The following TEX52 variants were observed in gnomAD, a reference collection of about 807,000 sequenced individuals.
The protein encoded by TEX52 is testis-expressed protein 52.
In TEX52, 22 loss-of-function variants were observed where a neutral mutation model predicts 17.6. The observed-to-expected ratio is 1.25, with a 90% CI of 0.89 to 1.78. The LOEUF (loss-of-function observed/expected upper bound fraction) is 1.78, where lower values mean the gene tolerates loss of function less well. Ranked by LOEUF, TEX52 falls within the 40% of genes most tolerant of loss-of-function variation. TEX52 has a pLI of 0.00. For missense variants in TEX52, 396 were observed against 372.3 expected (o/e 1.06, Z -0.52); for synonymous variants, 168 against 147.4 (o/e 1.14, Z -1.01).
intron 2 of TEX52, among the ~76,000 whole-genome samples, chr12:2,852,756 G>A (rs958413559): frequency 1.3e-5 from 2 of 152,092 alleles, no homozygotes; most frequent in African/African-American, 4.8e-5. Context: ...TGTAATCCCA[G>A]CACTTTGGGA....
At chr12:2,854,311 C>T (rs2098080551) in intron 2 of TEX52, among the ~76,000 whole-genome samples, 1 of 152,234 alleles carries the variant, frequency 6.6e-6, no homozygotes, top group Admixed American at 6.5e-5. Flanking sequence ...AGGCGTGAGC[C>T]ACCACGCCCT....
Position 2,849,280 on chromosome 12 carries a change from G to C in TEX52, c.869C>G (p.Ala290Gly), listed in dbSNP as rs779956661. 1 of 1,536,024 alleles carries C rather than the reference G, an allele frequency of 6.5e-7. No homozygotes were observed. Among genetic ancestry groups the C allele is most frequent in the Non-Finnish European group, 8.7e-7 (1 of 1,146,922 alleles). ...CCTCTTCCTTGCTGGGGATTTGCTTGCTTGTGCCTTGGAGAGATGGTGGAG... is the reference window on the plus strand; with the variant it reads ...CCTCTTCCTTGCTGGGGATTTGCTTCCTTGTGCCTTGGAGAGATGGTGGAG... ...LPLHHLSKAQASKSPARKRKR... is the reference protein window; with the variant it reads ...LPLHHLSKAQGSKSPARKRKR... The change falls in exon 3 of 3, where the codon GCA becomes GGA. Residue 290 changes from alanine to glycine, a missense_variant. Coordinates refer to ENST00000637658, the MANE Select transcript of TEX52 (RefSeq NM_001365174.2).
chr12:2,849,217 C>T lies in TEX52; in HGVS notation c.*14G>A. ...GGGCTCTGGGTATCACGATCGTCCCCTCTGGAAGCCCTTCTAGAAGTGTCC... is the reference window on the plus strand; with the variant it reads ...GGGCTCTGGGTATCACGATCGTCCCTTCTGGAAGCCCTTCTAGAAGTGTCC... On this transcript the variant is annotated 3_prime_UTR_variant, in exon 3 of 3. Coordinates refer to ENST00000637658, the MANE Select transcript of TEX52 (RefSeq NM_001365174.2). 1.3e-6 allele frequency: 2 copies of T among 1,530,666 alleles called. No individual in the cohort carries two copies. Among genetic ancestry groups the T allele is most frequent in the South Asian group, 1.2e-5 (1 of 83,064 alleles). 94.8% of individuals were successfully genotyped at this position (1,530,666 alleles called of 1,614,324 possible). A position where few individuals can be genotyped will look rare whatever the true frequency, so the allele number is the denominator to read the frequency against.
chr12:2,850,475 CA>C lies in TEX52; in HGVS notation c.624-951del, dbSNP rs1275655927. 2.7e-3 allele frequency among the ~76,000 whole-genome samples: 192 copies of C among 70,684 alleles called. 1 individual carries two copies. Among genetic ancestry groups the C allele is most frequent in the Middle Eastern group, 9.3e-3 (1 of 108 alleles). The allele number at this position is 70,684 out of a possible 152,430, so 46.4% of individuals were successfully genotyped here. A position where few individuals can be genotyped will look rare whatever the true frequency, so the allele number is the denominator to read the frequency against. On this transcript the variant is annotated intron_variant, in intron 2 of 2. Transcript: ENST00000637658. ...CCTGGGCAAGAGCAAGACTCTGTCT[CA>C]AAAAAAAAAAAAAAAAAAATGGGGC...
intron 2 of TEX52, among the ~76,000 whole-genome samples, chr12:2,851,032 T>C (rs2098069171): frequency 2.3e-5 from 3 of 129,860 alleles, no homozygotes; most frequent in Admixed American, 1.7e-4. Flanking sequence ...CCAGGCATGG[T>C]GGCACGTGCC....
intron 2 of TEX52, among the ~76,000 whole-genome samples, chr12:2,849,853 T>C (rs1284068465): frequency 2.0e-5 from 3 of 152,236 alleles, no homozygotes; most frequent in Non-Finnish European, 2.9e-5. Context: ...TTTCCACTAA[T>C]GCAGTGACAG....
intron 1 of TEX52, among the ~76,000 whole-genome samples, 176 bp downstream of exon 1, chr12:2,856,779 T>G (rs1355432673): frequency 6.6e-6 from 1 of 152,172 alleles, no homozygotes; most frequent in African/African-American, 2.4e-5. Flanking sequence ...GCCAGGCATC[T>G]CCTCTCTGTT....
In TEX52 at chr12:2,849,790, ATAT is replaced by A. The variant is rs569010093; in HGVS notation, c.624-268_624-266del. Among the ~76,000 whole-genome samples, 334 of 152,300 alleles carry A rather than the reference ATAT, an allele frequency of 2.2e-3. 2 individuals are homozygous for A. Among genetic ancestry groups the A allele is most frequent in the African/African-American group, 7.7e-3 (318 of 41,566 alleles). On this transcript the variant is annotated intron_variant, in intron 2 of 2. Transcript: ENST00000637658. ...CCATCCTTTTGACATACTGCATATAATATTATGATCCAGATCCCAATCCAGATT... is the reference window on the plus strand; with the variant it reads ...CCATCCTTTTGACATACTGCATATAATATGATCCAGATCCCAATCCAGATT...
In TEX52 at chr12:2,849,092, C is replaced by T. The variant is rs2098061709; in HGVS notation, c.*139G>A. 6 of 848,446 alleles carry T rather than the reference C, an allele frequency of 7.1e-6. No individual in the cohort carries two copies. In the Admixed American group the frequency reaches 1.5e-4, roughly 21 times the overall value. 52.6% of individuals were successfully genotyped at this position (848,446 alleles called of 1,614,324 possible). On this transcript the variant is annotated 3_prime_UTR_variant, in exon 3 of 3. Transcript: ENST00000637658. The stretch of plus-strand genomic sequence containing the variant: ...CCTGGGGTACAGAGGTGGCTTGAGG[C>T]TGGGAGGATGGTGGAGAGGCTGTTC...
In TEX52 at chr12:2,856,767, T is replaced by C. The variant is rs553483098; in HGVS notation, c.72+188A>G. Among the ~76,000 whole-genome samples the C allele has an allele frequency of 2.6e-5, 4 of 152,304 alleles. No homozygotes were observed. The South Asian group carries it at 8.3e-4, about 32-fold the overall frequency. On this transcript the variant is annotated intron_variant, in intron 1 of 2. Transcript: ENST00000637658. ...TGGGTGGGGCTGGGAGATGTGGCAC[T>C]AGCCAGGCATCTCCTCTCTGTTCTG...
chr12:2,848,511 A>G (rs1337010999), downstream of TEX52, among the ~76,000 whole-genome samples: 20 of 152,138 alleles, frequency 1.3e-4, no homozygotes, highest in Admixed American at 1.3e-3. Flanking sequence ...GGTATCCCCA[A>G]CAGGGTGTGG....
Position 2,849,446 on chromosome 12 carries a change from C to A in TEX52, c.703G>T (p.Ala235Ser), listed in dbSNP as rs923186690. ...GGGTTTGGGCAGGGCCAGCTCCTGGCGAAATTATTGGGAAACGGGTTGGGC... is the reference window on the plus strand; with the variant it reads ...GGGTTTGGGCAGGGCCAGCTCCTGGAGAAATTATTGGGAAACGGGTTGGGC... ...LMPNPFPNNF[A>S]RSWPCPNPLP... The change falls in exon 3 of 3, where the codon GCC (alanine) becomes TCC (serine). Residue 235 changes from alanine (A) to serine (S), a missense_variant. Physicochemically the swap from Ala to Ser is moderately conservative, Grantham distance 99 (BLOSUM62 1). Coordinates refer to ENST00000637658, the MANE Select transcript of TEX52 (RefSeq NM_001365174.2). 1 of 1,536,082 alleles carries A rather than the reference C, an allele frequency of 6.5e-7. No individual in the cohort carries two copies. Among genetic ancestry groups the A allele is most frequent in the Admixed American group, 2.0e-5 (1 of 50,978 alleles).
intron 2 of TEX52, 110 bp downstream of exon 2, chr12:2,854,785 TG>T: frequency 8.6e-7 from 1 of 1,158,680 alleles, no homozygotes; most frequent in Non-Finnish European, 1.2e-6. Flanking sequence ...GGTTTTCAGA[TG>T]GCCAGAGCGG....
intron 2 of TEX52, among the ~76,000 whole-genome samples, chr12:2,850,504 C>T (rs1457304070): frequency 6.6e-6 from 1 of 151,304 alleles, no homozygotes; most frequent in East Asian, 1.9e-4. Flanking sequence ...AATGGGGCCC[C>T]AGGTCATGAT....
At chr12:2,852,961 C>G (rs1184272607) in intron 2 of TEX52, among the ~76,000 whole-genome samples, 1 of 151,916 alleles carries the variant, frequency 6.6e-6, no homozygotes, top group Non-Finnish European at 1.5e-5. Flanking sequence ...GATCACACCA[C>G]TGCACTCTAG....
At position 2,849,286 on chromosome 12, in the gene TEX52, G is replaced by C. The variant is rs986911007; in HGVS notation, c.863C>G (p.Ala288Gly). 38 of 1,536,144 alleles carry C rather than the reference G, an allele frequency of 2.5e-5. No individual in the cohort carries two copies. Among genetic ancestry groups the C allele is most frequent in the Non-Finnish European group, 3.2e-5 (37 of 1,146,928 alleles). Residue 288 changes from alanine (A) to glycine (G), a missense_variant, in exon 3 of 3, where the codon GCA (alanine) becomes GGA (glycine). Physicochemically the swap from Ala to Gly is moderately conservative, Grantham distance 60. Coordinates refer to ENST00000637658, the MANE Select transcript of TEX52 (RefSeq NM_001365174.2). ...CCTTGCTGGGGATTTGCTTGCTTGT[G>C]CCTTGGAGAGATGGTGGAGGGGTAA... ...TALPLHHLSK[A>G]QASKSPARKR... is the part of the protein sequence containing the mutation.
chr12:2,849,181 A>G lies in TEX52; in HGVS notation c.*50T>C. ...TGCTGAAGGAGCATTGATTGAGAAC[A>G]CTGGAGCCTGGGGCTCTGGGTATCA... On this transcript the variant is annotated 3_prime_UTR_variant, in exon 3 of 3. Coordinates refer to ENST00000637658, the MANE Select transcript of TEX52 (RefSeq NM_001365174.2). 6.7e-7 allele frequency: 1 copy of G among 1,488,592 alleles called. No homozygotes were observed. Among genetic ancestry groups the G allele is most frequent in the Non-Finnish European group, 8.9e-7 (1 of 1,124,418 alleles). The allele number at this position is 1,488,592 out of a possible 1,614,324, so 92.2% of individuals were successfully genotyped here.
chr12:2,852,469 C>A (rs1001014559), intron 2 of TEX52, among the ~76,000 whole-genome samples: 1 of 152,098 alleles, frequency 6.6e-6, no homozygotes, highest in East Asian at 1.9e-4. Context: ...TGGGCTCAGA[C>A]AGTCCTCCCA....
intron 2 of TEX52, among the ~76,000 whole-genome samples, chr12:2,853,204 G>T (rs577424622): frequency 1.3e-5 from 2 of 152,184 alleles, no homozygotes; most frequent in East Asian, 1.9e-4. Flanking sequence ...TCAGGGCAAG[G>T]GTAGCAGGGA....
Sources: gnomAD v4.1 joint callset for allele counts (sites outside exome capture counted in the v4.1 genomes callset) on GRCh38, gnomAD v4.1.1 for gene constraint, MANE v1.5 for transcripts, NCBI Gene and HGNC (gene_info 2026-07-23, HGNC 2026-07-21) for gene names.